The following DEFB119 variants were observed in gnomAD, a reference collection of about 807,000 sequenced individuals.
DEFB119 encodes the protein defensin beta 119.
In DEFB119, 3 loss-of-function variants were observed where a neutral mutation model predicts 2.5. The observed-to-expected ratio is 1.19, with a 90% CI of 0.54 to 3.07. The LOEUF is 3.07. Ranked by LOEUF, DEFB119 falls within the 30% of genes most tolerant of loss-of-function variation. The pLI is 0.03. For missense variants in DEFB119, 113 were observed against 101.1 expected (o/e 1.12, Z -0.50); for synonymous variants, 29 against 33.7 (o/e 0.86, Z 0.48).
At chr20:31,383,107 A>G (rs1319059354) in intron 1 of DEFB119, among the ~76,000 whole-genome samples, 2 of 152,226 alleles carry the variant, frequency 1.3e-5, no homozygotes, top group Non-Finnish European at 2.9e-5. Flanking sequence ...AACTGATGAT[A>G]TAGTTTGGCT....
At chr20:31,385,686 G>T (rs1415943661) in intron 1 of DEFB119, among the ~76,000 whole-genome samples, 3 of 152,098 alleles carry the variant, frequency 2.0e-5, no homozygotes, top group African/African-American at 7.2e-5. Flanking sequence ...GGGCAACATA[G>T]TAAGACCCTG....
At chr20:31,377,536 G>C (rs1238120184) in intron 1 of DEFB119, 97 bp from the exon 2 acceptor site, 2 of 1,309,866 alleles carry the variant, frequency 1.5e-6, no homozygotes, top group African/African-American at 3.0e-5. Context: ...GGGGGAGCAG[G>C]GAGAAAACCT....
intron 1 of DEFB119, among the ~76,000 whole-genome samples, chr20:31,385,272 C>T (rs1459553866): frequency 2.6e-5 from 4 of 151,310 alleles, no homozygotes; most frequent in African/African-American, 9.7e-5. Context: ...TTGTTCCTTT[C>T]TCATAGAATG....
Position 31,383,705 on chromosome 20 carries a change from T to A in DEFB119, c.62-6266A>T, listed in dbSNP as rs1986586711. 2.0e-5 allele frequency among the ~76,000 whole-genome samples: 3 copies of A among 151,966 alleles called. No individual in the cohort carries two copies. The South Asian group carries it at 6.2e-4, about 32-fold the overall frequency. On this transcript the variant is annotated intron_variant, in intron 1 of 1. Transcript: ENST00000376321. Reference sequence around the variant, plus strand: ...TAAAAATACAAAGATTAGCCTGGCATGGTGGCAGGCGCCTGTAGTCCCAGC... The same window carrying A: ...TAAAAATACAAAGATTAGCCTGGCAAGGTGGCAGGCGCCTGTAGTCCCAGC...
At chr20:31,382,756 C>T (rs953573959) in intron 1 of DEFB119, among the ~76,000 whole-genome samples, 4 of 152,220 alleles carry the variant, frequency 2.6e-5, no homozygotes, top group South Asian at 2.1e-4. Flanking sequence ...CTCACTAAAT[C>T]GCATTCGTGC....
In DEFB119 at chr20:31,377,195, T is replaced by C. The variant is rs376756000; in HGVS notation, c.*51A>G. On this transcript the variant is annotated 3_prime_UTR_variant, in exon 2 of 2. Coordinates refer to ENST00000376321, the MANE Select transcript of DEFB119 (RefSeq NM_153289.4). ...GCACATGAATTTTAATGAGGGGGGT[T>C]GACAGCAGGTCTCTGTGCCCAGAGA... 1.3e-6 allele frequency: 2 copies of C among 1,522,074 alleles called. No individual in the cohort carries two copies. The highest frequency in any genetic ancestry group is 1.4e-5 in the African/African-American group (1 of 72,104). The allele number at this position is 1,522,074 out of a possible 1,614,324, so 94.3% of individuals were successfully genotyped here.
At chr20:31,381,180 A>C (rs1315778278) in intron 1 of DEFB119, among the ~76,000 whole-genome samples, 1 of 152,176 alleles carries the variant, frequency 6.6e-6, no homozygotes, top group African/African-American at 2.4e-5. Flanking sequence ...AGTGACTTTG[A>C]ATGGTATTAT....
At chr20:31,388,190 A>G in intron 1 of DEFB119, 1 of 984,026 alleles carries the variant, frequency 1.0e-6, no homozygotes, top group Non-Finnish European at 1.2e-6. Flanking sequence ...TCCCCAGCTA[A>G]AGTACCAATT....
At chr20:31,379,501 CTT>C (rs10714744) in intron 1 of DEFB119, among the ~76,000 whole-genome samples, 12 of 148,814 alleles carry the variant, frequency 8.1e-5, no homozygotes, top group Non-Finnish European at 1.2e-4. Context: ...ACTGTTGAGT[CTT>C]TTTTTTTTGT....
At chr20:31,382,842 A>G (rs928690256) in intron 1 of DEFB119, among the ~76,000 whole-genome samples, 6 of 152,256 alleles carry the variant, frequency 3.9e-5, no homozygotes, top group African/African-American at 1.4e-4. Flanking sequence ...TCCACCTAAT[A>G]TGTGTGTGTT....
chr20:31,380,113 T>C (rs1986453174), intron 1 of DEFB119, among the ~76,000 whole-genome samples: 1 of 152,208 alleles, frequency 6.6e-6, no homozygotes, highest in Non-Finnish European at 1.5e-5. Context: ...GTTTAAAATT[T>C]TGAGTAAGTG....
chr20:31,386,145 G>C (rs1469117215), intron 1 of DEFB119, among the ~76,000 whole-genome samples: 1 of 152,166 alleles, frequency 6.6e-6, no homozygotes, highest in Non-Finnish European at 1.5e-5. Flanking sequence ...TGGACCCCGG[G>C]TGGTGATGAG....
intron 1 of DEFB119, among the ~76,000 whole-genome samples, chr20:31,384,475 G>A (rs1013900703): frequency 1.7e-4 from 26 of 151,636 alleles, no homozygotes; most frequent in East Asian, 3.9e-4. Flanking sequence ...AAAATTCACC[G>A]AAAACAAAAA....
intron 1 of DEFB119, among the ~76,000 whole-genome samples, chr20:31,386,810 CTTTTTTT>C (rs148428945): frequency 1.8e-5 from 2 of 108,904 alleles, no homozygotes; most frequent in African/African-American, 4.0e-5. Flanking sequence ...TTTTCTTTTT[CTTTTTTT>C]TTTTTTTTTT....
At chr20:31,388,337 G>A (rs1172890885) in intron 1 of DEFB119, 12 of 982,412 alleles carry the variant, frequency 1.2e-5, no homozygotes, top group East Asian at 2.3e-4. Context: ...GCATTATTAT[G>A]TCATTTCATC....
At chr20:31,378,394 G>C in intron 1 of DEFB119, 1 of 1,614,026 alleles carries the variant, frequency 6.2e-7, no homozygotes, top group Non-Finnish European at 8.5e-7. Flanking sequence ...CACCAGAGCT[G>C]TATCAGAGGA....
chr20:31,390,279 T>G, intron 1 of DEFB119, 144 bp downstream of exon 1: 2 of 783,584 alleles, frequency 2.6e-6, no homozygotes, highest in East Asian at 2.6e-5. Flanking sequence ...CAGAGAGAGA[T>G]ATTAACTTGA....
At chr20:31,386,291 G>A (rs1472272888) in intron 1 of DEFB119, among the ~76,000 whole-genome samples, 3 of 152,104 alleles carry the variant, frequency 2.0e-5, no homozygotes, top group Non-Finnish European at 2.9e-5. Context: ...TTCTCACCCC[G>A]GGCCTCGGGG....
In DEFB119 at chr20:31,388,527, TAAGCAA is replaced by T. The variant is rs1986796995; in HGVS notation, c.61+1890_61+1895del. On this transcript the variant is annotated intron_variant, in intron 1 of 1. Coordinates refer to ENST00000376321, the MANE Select transcript of DEFB119 (RefSeq NM_153289.4). ...AATAATGAACAAATTCATATATAAA[TAAGCAA>T]ATCATGTGCTTTATCTTTTTTTAGT... Among the ~76,000 whole-genome samples the T allele has an allele frequency of 2.0e-5, 3 of 152,320 alleles. No individual in the cohort carries two copies. In the South Asian group the frequency reaches 6.2e-4, roughly 32 times the overall value.
Sources: gnomAD v4.1 joint callset for allele counts (sites outside exome capture counted in the v4.1 genomes callset) on GRCh38, gnomAD v4.1.1 for gene constraint, MANE v1.5 for transcripts, NCBI Gene and HGNC (gene_info 2026-07-23, HGNC 2026-07-21) for gene names.